Variants in HNF1A observed in about 807,000 individuals in gnomAD.
HNF1A encodes the protein HNF1 homeobox A.
Under a neutral mutation model 62.2 loss-of-function variants are expected in HNF1A, and 21 were observed. That is an observed-to-expected ratio of 0.34 (90% CI 0.24 to 0.49). HNF1A has a LOEUF of 0.49. Among genes scored for constraint, HNF1A ranks in the 20% least tolerant of loss-of-function variants. The probability of loss-of-function intolerance (pLI) is 0.99; values close to 1 mark genes in which losing one functional copy is unlikely to be tolerated. For synonymous variants in HNF1A, 374 were observed against 366.8 expected, an observed-to-expected ratio of 1.02 and a Z score of -0.22; for missense variants, 687 against 832.3, an observed-to-expected ratio of 0.83 and a Z score of 2.15.
At position 121,001,145 on chromosome 12, in the gene HNF1A, GTCA is replaced by G. The variant is rs1235697977; in HGVS notation, c.1852_1854del (p.Ile618del). 7.4e-6 allele frequency: 12 copies of G among 1,613,968 alleles called. No individual in the cohort carries two copies. The East Asian group carries it at 2.0e-4, about 27-fold the overall frequency. On this transcript the variant is annotated inframe_deletion, in exon 10 of 10. Coordinates refer to ENST00000257555, the MANE Select transcript of HNF1A (RefSeq NM_000545.8). Reference sequence around the variant, plus strand: ...CCACCTGCTGCCATCCAACCACAGCGTCATCGAGACCTTCATCTCCACCCAGAT... The same window carrying G: ...CCACCTGCTGCCATCCAACCACAGCGTCGAGACCTTCATCTCCACCCAGAT...
chr12:120,998,928 C>G (rs1309662643), intron 7 of HNF1A, among the ~76,000 whole-genome samples: 1 of 152,178 alleles, frequency 6.6e-6, no homozygotes, highest in Non-Finnish European at 1.5e-5. Context: ...AGCACCTGCG[C>G]TTAGTACGTA....
chr12:120,992,144 T>C (rs1449939123), intron 2 of HNF1A, among the ~76,000 whole-genome samples: 2 of 152,272 alleles, frequency 1.3e-5, no homozygotes, highest in Admixed American at 6.5e-5. Context: ...ACTGAAGCAA[T>C]GTGAGGAGTC....
rs766891096 is a variant in HNF1A, at chr12:120,996,632, C to T, written c.1199C>T (p.Pro400Leu). Residue 400 changes from proline (P) to leucine (L), a missense_variant, in exon 6 of 10, where the codon CCC (proline) becomes CTC (leucine). Transcript: ENST00000257555. This position sits in a 1 kb window ranked among gnomAD's most constrained non-coding sequence, Gnocchi z 4.5. The part of the protein sequence containing the change: ...EQTSPGLNQQ[P>L]QNLIMASLPG... ...ACATCCCCAGGCCTCAACCAGCAGC[C>T]CCAGAACCTCATCATGGCCTCACTT... is the stretch of plus-strand genomic sequence containing the variant. The T allele has an allele frequency of 3.1e-6, 5 of 1,614,118 alleles. No homozygotes were observed. The highest frequency in any genetic ancestry group is 4.2e-6 in the Non-Finnish European group (5 of 1,180,002).
chr12:120,997,901 G>A, intron 7 of HNF1A: 1 of 683,574 alleles, frequency 1.5e-6, no homozygotes, highest in Non-Finnish European at 2.7e-6. Flanking sequence ...GTGTGTATCG[G>A]TTGTGCATGC....
chr12:121,002,030 G>A lies in HNF1A; in HGVS notation c.*838G>A, dbSNP rs1397514719. On this transcript the variant is annotated 3_prime_UTR_variant, in exon 10 of 10. Transcript: ENST00000257555. ...GCCTCGCAACCCGTGCCAAGTCCAG[G>A]TCCTGGTGGGGCAGCTCCTCTGTCT... The A allele has an allele frequency of 3.7e-6, 2 of 536,790 alleles. No individual in the cohort carries two copies. Among genetic ancestry groups the A allele is most frequent in the East Asian group, 7.8e-5 (2 of 25,794 alleles). The allele number at this position is 536,790 out of a possible 1,614,324, so 33.3% of individuals were successfully genotyped here. A position where few individuals can be genotyped will look rare whatever the true frequency, so the allele number is the denominator to read the frequency against.
chr12:120,998,700 G>A (rs1032909767), intron 7 of HNF1A, among the ~76,000 whole-genome samples: 2 of 152,164 alleles, frequency 1.3e-5, no homozygotes, highest in Non-Finnish European at 2.9e-5. Context: ...CCTGAGGGGT[G>A]GGTGGAGGTG....
At position 120,978,716 on chromosome 12, in the gene HNF1A, G is replaced by A; in HGVS notation, c.-53G>A. On this transcript the variant is annotated 5_prime_UTR_variant, in exon 1 of 10. Coordinates refer to ENST00000257555, the MANE Select transcript of HNF1A (RefSeq NM_000545.8). ...AGGCAAACGCAACCCACGCGGTGGG[G>A]GAGGCGGCTAGCGTGGTGGACCCGG... 1 of 1,551,392 alleles carries A rather than the reference G, an allele frequency of 6.4e-7. No individual in the cohort carries two copies. Among genetic ancestry groups the A allele is most frequent in the Non-Finnish European group, 8.9e-7 (1 of 1,125,484 alleles).
At chr12:120,982,297 T>C (rs1339543034) in intron 1 of HNF1A, among the ~76,000 whole-genome samples, 1 of 152,154 alleles carries the variant, frequency 6.6e-6, no homozygotes, top group Non-Finnish European at 1.5e-5. Flanking sequence ...CTCAAACTCC[T>C]GACCTCAGGT....
rs1012220956 is a variant in HNF1A at position 121,000,996 on chromosome 12, C to T, written c.1769-69C>T. 4.4e-6 allele frequency: 7 copies of T among 1,603,472 alleles called. No individual in the cohort carries two copies. In the Admixed American group the frequency reaches 5.0e-5, roughly 11 times the overall value. ...CCCTGCCTCCCCATCCTGAGTACCC[C>T]TAGGGACAGGCAGGTGGGGTGGGTG... On this transcript the variant is annotated intron_variant, in intron 9 of 9. Coordinates refer to ENST00000257555, the MANE Select transcript of HNF1A (RefSeq NM_000545.8).
chr12:121,000,837 G>GTGAAGA (rs1241609653), intron 9 of HNF1A: 4 of 578,988 alleles, frequency 6.9e-6, no homozygotes, highest in Non-Finnish European at 1.2e-5. Flanking sequence ...GGCTTCTCCA[G>GTGAAGA]TGTTCACACT....
chr12:120,985,352 G>C (rs1174121156), intron 1 of HNF1A, among the ~76,000 whole-genome samples: 1 of 150,812 alleles, frequency 6.6e-6, no homozygotes, highest in East Asian at 2.0e-4. Flanking sequence ...AAAGAGCTGG[G>C]ATTACCACCA....
At position 120,993,715 on chromosome 12, in the gene HNF1A, G is replaced by A. The variant is rs2135840096; in HGVS notation, c.713+9G>A. ...GTGGAGGAGTGCAATAGGTACAACG[G>A]CGGGCGGGAAACAGTGCTGGTTTGG... On this transcript the variant is annotated intron_variant, in intron 3 of 9. Transcript: ENST00000257555. 4.3e-6 allele frequency: 7 copies of A among 1,613,404 alleles called. No individual in the cohort carries two copies. The highest frequency in any genetic ancestry group is 5.9e-6 in the Non-Finnish European group (7 of 1,179,822).
chr12:121,000,935 G>A, intron 9 of HNF1A, 130 bp from the exon 10 acceptor site: 2 of 1,299,100 alleles, frequency 1.5e-6, no homozygotes, highest in Non-Finnish European at 2.2e-6. Context: ...TGTGACTTTG[G>A]GGTTCCTGTT....
At chr12:120,979,866 A>G (rs1314928362) in intron 1 of HNF1A, 1 of 152,258 alleles carries the variant, frequency 6.6e-6, no homozygotes, top group African/African-American at 2.4e-5. Flanking sequence ...ATAAATGGCA[A>G]AAGGCTCTGA....
At position 120,997,611 on chromosome 12, in the gene HNF1A, C is replaced by T. The variant is rs2135848001; in HGVS notation, c.1447C>T (p.His483Tyr). The T allele has an allele frequency of 2.5e-6, 4 of 1,613,696 alleles. No individual in the cohort carries two copies. Among genetic ancestry groups the T allele is most frequent in the Non-Finnish European group, 3.4e-6 (4 of 1,179,878 alleles). ...QQPLMPPVQS[H>Y]VTQSPFMATM... ...GCCGCTCATGCCACCTGTGCAGAGC[C>T]ATGTGACCCAGAGCCCCTTCATGGC... Residue 483 changes from histidine (H) to tyrosine (Y), a missense_variant, in exon 7 of 10, where the codon CAT becomes TAT. Physicochemically the swap from His to Tyr is moderately conservative, Grantham distance 83. Coordinates refer to ENST00000257555, the MANE Select transcript of HNF1A (RefSeq NM_000545.8).
rs758677300 is a variant in HNF1A at position 121,002,097 on chromosome 12, G to C, written c.*905G>C. The C allele has an allele frequency of 1.9e-6, 1 of 534,698 alleles. No individual in the cohort carries two copies. The highest frequency in any genetic ancestry group is 1.5e-5 in the South Asian group (1 of 64,998). 33.1% of individuals were successfully genotyped at this position (534,698 alleles called of 1,614,324 possible). A position where few individuals can be genotyped will look rare whatever the true frequency, so the allele number is the denominator to read the frequency against. On this transcript the variant is annotated 3_prime_UTR_variant, in exon 10 of 10. Coordinates refer to ENST00000257555, the MANE Select transcript of HNF1A (RefSeq NM_000545.8). ...CCTGCCCTTGTTTGGGGCAGGAGTA[G>C]CTGAGCTCACAAGGCAGCAAGGCCC...
At chr12:120,993,796 C>A in intron 3 of HNF1A, 90 bp downstream of exon 3, 1 of 1,367,382 alleles carries the variant, frequency 7.3e-7, no homozygotes, top group South Asian at 1.3e-5. Flanking sequence ...CTGTAAAAGG[C>A]TGTCCAGTTG....
Position 120,996,519 on chromosome 12 carries a change from A to G in HNF1A, c.1108-22A>G, listed in dbSNP as rs776740311. ...CTGTGGGGACCCCGGCCCCCCGGAC[A>G]CAGCTTGGCTTCCCCTCGTAGGTCT... On this transcript the variant is annotated intron_variant, in intron 5 of 9. Coordinates refer to ENST00000257555, the MANE Select transcript of HNF1A (RefSeq NM_000545.8). This position sits in a 1 kb window ranked among gnomAD's most constrained non-coding sequence, Gnocchi z 4.5. 11 of 1,613,230 alleles carry G rather than the reference A, an allele frequency of 6.8e-6. No individual in the cohort carries two copies. In the East Asian group the frequency reaches 2.5e-4, roughly 36 times the overall value.
Position 120,978,826 on chromosome 12 carries a change from G to C in HNF1A, c.58G>C (p.Gly20Arg), listed in dbSNP as rs1249563793. The change falls in exon 1 of 10, where the codon GGG becomes CGG. Residue 20 changes from glycine (G) to arginine (R), a missense_variant. By Grantham distance (125) the Gly-to-Arg change is moderately radical (BLOSUM62 -2). This residue lies in a region of HNF1A where 159 missense variants were observed against 154.4 expected (regional missense o/e 1.03). Coordinates refer to ENST00000257555, the MANE Select transcript of HNF1A (RefSeq NM_000545.8). ...TELLAALLES[G>R]LSKEALIQAL... is the part of the protein sequence containing the mutation. ...GCTCCTGGCGGCCCTGCTCGAGTCA[G>C]GGCTGAGCAAAGAGGCACTGATCCA... The C allele has an allele frequency of 6.2e-7, 1 of 1,613,278 alleles. No homozygotes were observed. The highest frequency in any genetic ancestry group is 8.5e-7 in the Non-Finnish European group (1 of 1,179,872).
Sources: allele counts gnomAD v4.1 joint callset (sites outside exome capture counted in the v4.1 genomes callset), GRCh38; gene constraint gnomAD v4.1.1; regional missense constraint gnomAD v4.1.1; non-coding constraint Gnocchi (gnomAD v3.1); transcripts MANE v1.5; gene names NCBI Gene and HGNC (gene_info 2026-07-23, HGNC 2026-07-21).